Variants in SH3GL3 observed in about 807,000 individuals in gnomAD.
The protein encoded by SH3GL3 is endophilin-A3.
SH3GL3 carries 33 observed loss-of-function variants against 47.7 expected under a neutral mutation model. The ratio of observed to expected loss-of-function variants is 0.69; its 90% CI spans 0.52 to 0.92. The LOEUF is 0.92. SH3GL3 is among the 40% of genes least tolerant of loss of function. The pLI is 0.00. For synonymous variants in SH3GL3, 155 were observed against 148.8 expected, an observed-to-expected ratio of 1.04 and a Z score of -0.30; for missense variants, 363 against 417.8, an observed-to-expected ratio of 0.87 and a Z score of 1.14.
intron 1 of SH3GL3, among the ~76,000 whole-genome samples, chr15:83,487,856 A>T (rs1252029247): frequency 2.1e-5 from 3 of 145,092 alleles, no homozygotes; most frequent in Admixed American, 6.8e-5. Flanking sequence ...TTCTTTTTTT[A>T]ATTTTCTTTT....
intron 1 of SH3GL3, among the ~76,000 whole-genome samples, chr15:83,479,672 G>A (rs2041256561): frequency 6.6e-6 from 1 of 152,132 alleles, no homozygotes; most frequent in South Asian, 2.1e-4. Flanking sequence ...CTTTGGTTGG[G>A]GGTAAAAAGG....
chr15:83,584,623 C>T (rs1247364503), intron 6 of SH3GL3, among the ~76,000 whole-genome samples: 4 of 152,200 alleles, frequency 2.6e-5, no homozygotes, highest in African/African-American at 9.7e-5. Flanking sequence ...TCACTTCAAA[C>T]ATCAGCTGAG....
At chr15:83,531,160 C>T (rs1023899076) in intron 1 of SH3GL3, among the ~76,000 whole-genome samples, 6 of 152,150 alleles carry the variant, frequency 3.9e-5, no homozygotes, top group African/African-American at 1.4e-4. Flanking sequence ...TTTGTGTGCA[C>T]CATTCTAGTG....
At chr15:83,599,101 T>A (rs548665325) in intron 8 of SH3GL3, among the ~76,000 whole-genome samples, 1 of 152,236 alleles carries the variant, frequency 6.6e-6, no homozygotes, top group South Asian at 2.1e-4. Context: ...TCTCTTCTTA[T>A]TTACTTATTT....
intron 1 of SH3GL3, among the ~76,000 whole-genome samples, chr15:83,555,386 G>A (rs2044895717): frequency 6.6e-6 from 1 of 151,856 alleles, no homozygotes; most frequent in Middle Eastern, 3.4e-3. Context: ...TGATTTTGTC[G>A]GCTCTCTTTC....
At chr15:83,525,123 C>T (rs1384202920) in intron 1 of SH3GL3, among the ~76,000 whole-genome samples, 2 of 152,102 alleles carry the variant, frequency 1.3e-5, no homozygotes, top group African/African-American at 2.4e-5. Flanking sequence ...ACATTCCCAC[C>T]AGCAGTGTAT....
chr15:83,628,329 A>T, the SH3GL3 span, among the ~76,000 whole-genome samples: 1 of 152,254 alleles, frequency 6.6e-6, no homozygotes, highest in Admixed American at 6.5e-5. Context: ...TCAGAGGCCA[A>T]AATACACCTA....
In SH3GL3 at chr15:83,587,025, T is replaced by A. The variant is rs145979773; in HGVS notation, c.667T>A (p.Leu223Ile). The A allele has an allele frequency of 1.2e-6, 2 of 1,611,076 alleles. No individual in the cohort carries two copies. The highest frequency in any genetic ancestry group is 2.7e-5 in the African/African-American group (2 of 74,734). ...GTTGGCTGTGTTCATAGAGGCAGCA[T>A]TAGACTATCACAGACAGTCCACAGA... ...SQLAVFIEAA[L>I]DYHRQSTEIL... Residue 223 changes from leucine to isoleucine, a missense_variant, in exon 7 of 9, where the codon TTA becomes ATA. Coordinates refer to ENST00000427482, the MANE Select transcript of SH3GL3 (RefSeq NM_003027.5).
chr15:83,473,542 T>G (rs1434496868), intron 1 of SH3GL3, among the ~76,000 whole-genome samples: 1 of 151,590 alleles, frequency 6.6e-6, no homozygotes, highest in Non-Finnish European at 1.5e-5. Flanking sequence ...GAGCAGACAT[T>G]TGTTGGGGCT....
chr15:83,571,234 G>A (rs970790237), intron 4 of SH3GL3, among the ~76,000 whole-genome samples: 2 of 152,192 alleles, frequency 1.3e-5, no homozygotes, highest in African/African-American at 2.4e-5. Flanking sequence ...GGCGGCCCAT[G>A]TTCAGAGCAT....
intron 8 of SH3GL3, among the ~76,000 whole-genome samples, chr15:83,606,969 T>C (rs1057019376): frequency 2.6e-5 from 4 of 152,242 alleles, no homozygotes; most frequent in Admixed American, 2.0e-4. Context: ...TGTTGATCAG[T>C]AGCCATTGGT....
At chr15:83,492,834 T>C (rs1205310393) in intron 1 of SH3GL3, among the ~76,000 whole-genome samples, 2 of 152,182 alleles carry the variant, frequency 1.3e-5, no homozygotes, top group Non-Finnish European at 2.9e-5. Context: ...TTGTTGGTGG[T>C]CCTCCCACTG....
intron 1 of SH3GL3, among the ~76,000 whole-genome samples, chr15:83,496,330 G>A (rs968008126): frequency 4.1e-5 from 6 of 147,332 alleles, no homozygotes; most frequent in East Asian, 3.9e-4. Context: ...CTGCACTCCA[G>A]CCTGGGCAAC....
intron 8 of SH3GL3, among the ~76,000 whole-genome samples, chr15:83,616,103 T>A (rs1340076043): frequency 1.3e-5 from 2 of 152,106 alleles, no homozygotes; most frequent in Non-Finnish European, 2.9e-5. Flanking sequence ...AAGTTGGGAA[T>A]AATGTTTGTA....
chr15:83,616,314 G>A (rs942475556), intron 8 of SH3GL3, among the ~76,000 whole-genome samples: 2 of 147,806 alleles, frequency 1.4e-5, no homozygotes, highest in African/African-American at 2.5e-5. Context: ...GTGCGGTGGC[G>A]CGATCTTGGC....
At chr15:83,559,754 G>A (rs2151743210) in intron 2 of SH3GL3, among the ~76,000 whole-genome samples, 1 of 152,318 alleles carries the variant, frequency 6.6e-6, no homozygotes, top group Non-Finnish European at 1.5e-5. Flanking sequence ...TGCATAGCAA[G>A]TAACTTTTAT....
intron 1 of SH3GL3, chr15:83,490,920 G>A: frequency 2.5e-6 from 4 of 1,614,046 alleles, no homozygotes; most frequent in Non-Finnish European, 2.5e-6. Context: ...ATGGGAAAAT[G>A]TTAAGGGGGA....
chr15:83,608,134 A>AT (rs989614354), intron 8 of SH3GL3, among the ~76,000 whole-genome samples: 66 of 152,270 alleles, frequency 4.3e-4, no homozygotes, highest in African/African-American at 1.5e-3. Context: ...ACACATGCTT[A>AT]TTTTTACAGA....
intron 1 of SH3GL3, among the ~76,000 whole-genome samples, chr15:83,522,524 A>G (rs1174845986): frequency 1.3e-5 from 2 of 152,206 alleles, no homozygotes; most frequent in African/African-American, 4.8e-5. Flanking sequence ...ACATTTTGGC[A>G]AATCTGTTGG....
Sources: gnomAD v4.1 joint callset for allele counts (sites outside exome capture counted in the v4.1 genomes callset) on GRCh38, gnomAD v4.1.1 for gene constraint, MANE v1.5 for transcripts, NCBI Gene and HGNC (gene_info 2026-07-23, HGNC 2026-07-21) for gene names.